Variants in FRMD4B observed in about 807,000 individuals in gnomAD.
FRMD4B encodes the protein FERM domain-containing protein 4B.
A neutral mutation model predicts 141.5 loss-of-function variants in FRMD4B; 74 were observed. The ratio of observed to expected loss-of-function variants is 0.52; its 90% CI spans 0.43 to 0.63. FRMD4B has a LOEUF of 0.63. Ranked by LOEUF, FRMD4B falls within the 30% of genes least tolerant of loss-of-function variation. The pLI is 0.00. For missense variants in FRMD4B, 1,366 were observed against 1,253.4 expected (o/e 1.09, Z -1.36); for synonymous variants, 506 against 467.9 (o/e 1.08, Z -1.05).
At chr3:69,366,284 C>CA (rs151224959) in intron 1 of FRMD4B, among the ~76,000 whole-genome samples, 6,102 of 112,398 alleles carry the variant, frequency 0.054, 481 homozygotes, top group African/African-American at 0.19. Flanking sequence ...AAAACAAAAA[C>CA]AAAAAAAATT....
Position 69,454,540 on chromosome 3 carries a change from C to T in FRMD4B, c.-128-21779G>A, listed in dbSNP as rs941568192. Among the ~76,000 whole-genome samples, 122 of 152,224 alleles carry T rather than the reference C, an allele frequency of 8.0e-4. 2 individuals are homozygous for T. The highest frequency in any genetic ancestry group is 2.7e-3 in the African/African-American group (112 of 41,538). On this transcript the variant is annotated intron_variant, in intron 1 of 5. Transcript: ENST00000459638. ...AGGCCCTGCACTCCCAGCAGCTGGC[C>T]GGCGCCACCGGCCCCGGGCAGTGAG...
chr3:69,360,552 C>G (rs1703443664), intron 1 of FRMD4B, among the ~76,000 whole-genome samples: 1 of 152,206 alleles, frequency 6.6e-6, no homozygotes, highest in African/African-American at 2.4e-5. Context: ...TGTTAACCTA[C>G]AGGTTCCTGT....
chr3:69,456,521 G>C (rs1312538399), intron 1 of FRMD4B, among the ~76,000 whole-genome samples: 2 of 151,984 alleles, frequency 1.3e-5, no homozygotes, highest in African/African-American at 4.8e-5. Flanking sequence ...TGCTACACTA[G>C]AAAGCTGATT....
intron 1 of FRMD4B, among the ~76,000 whole-genome samples, chr3:69,505,873 G>A (rs1706587253): frequency 6.6e-6 from 1 of 152,142 alleles, no homozygotes; most frequent in African/African-American, 2.4e-5. Context: ...AAGGCAGCTG[G>A]TGGGTAAACA....
intron 2 of FRMD4B, among the ~76,000 whole-genome samples, chr3:69,422,941 T>C (rs1362252017): frequency 1.3e-5 from 2 of 152,210 alleles, no homozygotes; most frequent in African/African-American, 4.8e-5. Context: ...CAGGGATTGC[T>C]GAGCTCTGAC....
chr3:69,264,351 C>G (rs2093547376), intron 5 of FRMD4B, among the ~76,000 whole-genome samples: 1 of 152,194 alleles, frequency 6.6e-6, no homozygotes, highest in African/African-American at 2.4e-5. Flanking sequence ...CCCTGGCACA[C>G]AGCAGGTGTT....
At chr3:69,264,324 C>T (rs997021136) in intron 5 of FRMD4B, among the ~76,000 whole-genome samples, 1 of 152,094 alleles carries the variant, frequency 6.6e-6, no homozygotes, top group Non-Finnish European at 1.5e-5. Context: ...AGTTGTAGCT[C>T]CAGAAGCTAG....
In FRMD4B at chr3:69,514,476, G is replaced by C. The variant is rs1575597085; in HGVS notation, c.-129+27730C>G. Among the ~76,000 whole-genome samples, 5 of 152,156 alleles carry C rather than the reference G, an allele frequency of 3.3e-5. No homozygotes were observed. The South Asian group carries it at 1.0e-3, about 32-fold the overall frequency. ...AGGCCAAGGCAGGTAGAACACTTGA[G>C]GTCAAGATTTCAAGACCAGCCTGGC... On this transcript the variant is annotated intron_variant, in intron 1 of 5. Transcript: ENST00000459638.
intron 5 of FRMD4B, among the ~76,000 whole-genome samples, chr3:69,264,896 T>G (rs544737889): frequency 6.6e-6 from 1 of 152,158 alleles, no homozygotes; most frequent in South Asian, 2.1e-4. Context: ...AAGATAGGAA[T>G]AAACGGAGAC....
chr3:69,221,594 C>T (rs60802947), intron 9 of FRMD4B, among the ~76,000 whole-genome samples: 18,455 of 152,168 alleles, frequency 0.12, 1,301 homozygotes, highest in East Asian at 0.29. Context: ...TGAAAGCTCA[C>T]CTGTTTACCA....
At chr3:69,514,257 C>G (rs1274566269) in intron 1 of FRMD4B, among the ~76,000 whole-genome samples, 1 of 151,938 alleles carries the variant, frequency 6.6e-6, no homozygotes, top group Non-Finnish European at 1.5e-5. Context: ...TATACACTTA[C>G]AATGAACAAT....
chr3:69,344,387 G>C (rs920110484), intron 1 of FRMD4B, among the ~76,000 whole-genome samples: 1 of 152,220 alleles, frequency 6.6e-6, no homozygotes, highest in South Asian at 2.1e-4. Flanking sequence ...GAAAGAGGGA[G>C]AGAGATGGAG....
At chr3:69,446,420 C>T (rs1317587947) in intron 1 of FRMD4B, among the ~76,000 whole-genome samples, 3 of 151,964 alleles carry the variant, frequency 2.0e-5, no homozygotes, top group African/African-American at 4.8e-5. Flanking sequence ...GCAACCTCTG[C>T]CTCCCTGGTT....
intron 4 of FRMD4B, among the ~76,000 whole-genome samples, chr3:69,297,104 T>G (rs1248089118): frequency 6.6e-6 from 1 of 152,206 alleles, no homozygotes; most frequent in Non-Finnish European, 1.5e-5. Context: ...ACAGTCTGTC[T>G]TTATGTGTCA....
At chr3:69,201,256 A>C (rs1030538902) in intron 11 of FRMD4B, among the ~76,000 whole-genome samples, 2 of 152,062 alleles carry the variant, frequency 1.3e-5, no homozygotes, top group African/African-American at 4.8e-5. Context: ...AAATTCAGTG[A>C]TTACTTCTGG....
At chr3:69,493,712 T>G (rs1235039964) in intron 1 of FRMD4B, among the ~76,000 whole-genome samples, 3 of 152,150 alleles carry the variant, frequency 2.0e-5, no homozygotes, top group Non-Finnish European at 2.9e-5. Context: ...CATCTCTCTC[T>G]CGATTATAAG....
chr3:69,386,101 G>T (rs185470131), upstream of FRMD4B: 2 of 987,058 alleles, frequency 2.0e-6, no homozygotes, highest in East Asian at 3.1e-5. Flanking sequence ...CAGCCGGGGG[G>T]TCAAGCCTGC....
chr3:69,178,533 A>G (rs1452074805), intron 21 of FRMD4B, among the ~76,000 whole-genome samples: 1 of 152,028 alleles, frequency 6.6e-6, no homozygotes, highest in Non-Finnish European at 1.5e-5. Flanking sequence ...TTAGCCAGGC[A>G]TGGTGGTGTG....
chr3:69,376,886 T>A (rs1194699647), intron 1 of FRMD4B: 2 of 152,080 alleles, frequency 1.3e-5, no homozygotes, highest in African/African-American at 4.8e-5. Context: ...AAATATAATG[T>A]TCAGAATAAA....
Sources: allele counts gnomAD v4.1 joint callset (sites outside exome capture counted in the v4.1 genomes callset), GRCh38; gene constraint gnomAD v4.1.1; transcripts MANE v1.5; gene names NCBI Gene and HGNC (gene_info 2026-07-23, HGNC 2026-07-21).